The following TMEM132B variants were observed in gnomAD, a reference collection of about 807,000 sequenced individuals.
The protein encoded by TMEM132B is transmembrane protein 132B.
TMEM132B carries 18 observed loss-of-function variants against 90.8 expected under a neutral mutation model. The observed-to-expected ratio is 0.20, with a 90% CI of 0.14 to 0.29. The LOEUF (loss-of-function observed/expected upper bound fraction) is 0.29, where lower values mean the gene tolerates loss of function less well. TMEM132B is among the 10% of genes least tolerant of loss of function. The pLI, the probability that TMEM132B is intolerant of heterozygous loss-of-function variation, is 1.00. For synonymous variants in TMEM132B, 504 were observed against 523.3 expected, an observed-to-expected ratio of 0.96 and a Z score of 0.50; for missense variants, 1,096 against 1,326.8, an observed-to-expected ratio of 0.83 and a Z score of 2.70.
In TMEM132B at chr12:125,272,537, C is replaced by T. The variant is rs573787444; in HGVS notation, c.68-76915C>T. ...ATAGCATCCATTCCTCAGGAGATGT[C>T]CTGCACTGCTCGAGCTCCTGAGAGC... On this transcript the variant is annotated intron_variant, in intron 1 of 8. Transcript: ENST00000682704. 1.1e-4 allele frequency among the ~76,000 whole-genome samples: 17 copies of T among 152,194 alleles called. No individual in the cohort carries two copies. In the East Asian group the frequency reaches 3.3e-3, roughly 29 times the overall value.
intron 1 of TMEM132B, among the ~76,000 whole-genome samples, chr12:125,266,018 C>T (rs1477334810): frequency 6.6e-6 from 1 of 152,052 alleles, no homozygotes; most frequent in Non-Finnish European, 1.5e-5. Context: ...CACCTGAGGT[C>T]AGGAGTTCAA....
At chr12:125,321,571 AG>A (rs1876426433) in intron 1 of TMEM132B, among the ~76,000 whole-genome samples, 1 of 150,408 alleles carries the variant, frequency 6.6e-6, no homozygotes, top group South Asian at 2.1e-4. Context: ...TCCACCTCCC[AG>A]GTTCAAGCGA....
intron 1 of TMEM132B, among the ~76,000 whole-genome samples, chr12:125,320,218 C>T (rs964424997): frequency 3.9e-5 from 6 of 152,220 alleles, no homozygotes; most frequent in African/African-American, 1.2e-4. Flanking sequence ...GGGAGGAGGT[C>T]TGATCCAGCA....
chr12:125,411,887 A>C (rs146639645), intron 2 of TMEM132B, among the ~76,000 whole-genome samples: 13 of 152,286 alleles, frequency 8.5e-5, no homozygotes, highest in Middle Eastern at 3.4e-3. Flanking sequence ...CTGGTTGACA[A>C]AATATTTCAA....
chr12:125,324,902 A>T (rs1876519311), intron 1 of TMEM132B, among the ~76,000 whole-genome samples: 1 of 152,108 alleles, frequency 6.6e-6, no homozygotes, highest in African/African-American at 2.4e-5. Flanking sequence ...GGACGTGGCA[A>T]TCTCTTATTT....
intron 3 of TMEM132B, among the ~76,000 whole-genome samples, chr12:125,508,019 A>G (rs1459137118): frequency 6.6e-6 from 1 of 152,224 alleles, no homozygotes; most frequent in East Asian, 1.9e-4. Flanking sequence ...TTTTTAAGGT[A>G]GAACCAGCAG....
chr12:125,365,915 T>G (rs1878119035), intron 2 of TMEM132B, among the ~76,000 whole-genome samples: 1 of 152,104 alleles, frequency 6.6e-6, no homozygotes, highest in African/African-American at 2.4e-5. Flanking sequence ...AATAAATTAT[T>G]GTTAACTATA....
chr12:125,207,579 A>G (rs114090514), intron 1 of TMEM132B, among the ~76,000 whole-genome samples: 4 of 152,196 alleles, frequency 2.6e-5, no homozygotes, highest in Admixed American at 2.0e-4. Flanking sequence ...ATTGCATTAA[A>G]CATACATAAC....
intron 3 of TMEM132B, among the ~76,000 whole-genome samples, chr12:125,487,133 T>G (rs1015889337): frequency 6.6e-6 from 1 of 152,222 alleles, no homozygotes; most frequent in Non-Finnish European, 1.5e-5. Context: ...AACCCATTAT[T>G]CGATAGCCTT....
intron 3 of TMEM132B, among the ~76,000 whole-genome samples, chr12:125,505,194 A>AAC (rs1882814700): frequency 3.4e-5 from 5 of 146,734 alleles, no homozygotes; most frequent in Non-Finnish European, 5.9e-5. Context: ...AAAAAAAAAA[A>AAC]ACAGTAAGTG....
At chr12:125,563,598 CAAA>C (rs77003788) in intron 4 of TMEM132B, among the ~76,000 whole-genome samples, 2 of 150,180 alleles carry the variant, frequency 1.3e-5, no homozygotes, top group South Asian at 2.1e-4. Context: ...AACAAACAAA[CAAA>C]AAAAAACCCC....
At chr12:125,309,454 A>T (rs1876071669) in intron 1 of TMEM132B, among the ~76,000 whole-genome samples, 1 of 152,160 alleles carries the variant, frequency 6.6e-6, no homozygotes, top group Non-Finnish European at 1.5e-5. Flanking sequence ...TTCTTTTTGT[A>T]TCTGATGTTC....
At chr12:125,505,700 GAA>G (rs34696111) in intron 3 of TMEM132B, among the ~76,000 whole-genome samples, 104 of 130,978 alleles carry the variant, frequency 7.9e-4, no homozygotes, top group African/African-American at 1.9e-3. Context: ...CCCCGTCTCA[GAA>G]AAAAAAAAAA....
At chr12:125,433,006 C>G (rs1035059038) in intron 3 of TMEM132B, among the ~76,000 whole-genome samples, 17 of 152,156 alleles carry the variant, frequency 1.1e-4, no homozygotes, top group Non-Finnish European at 2.5e-4. Flanking sequence ...GAGAAGGAGG[C>G]CTTTCCTTAA....
chr12:125,218,003 G>C (rs1873475813), intron 1 of TMEM132B, among the ~76,000 whole-genome samples: 1 of 152,144 alleles, frequency 6.6e-6, no homozygotes, highest in Non-Finnish European at 1.5e-5. Flanking sequence ...AAATGAGGCG[G>C]GCCAATTTTA....
chr12:125,220,564 G>A (rs910184667), intron 1 of TMEM132B, among the ~76,000 whole-genome samples: 5 of 152,232 alleles, frequency 3.3e-5, no homozygotes, highest in African/African-American at 7.2e-5. Context: ...TTCTCTGTCG[G>A]CATTTCCAAG....
chr12:125,634,602 G>T (rs750123849), intron 5 of TMEM132B, among the ~76,000 whole-genome samples: 7 of 152,198 alleles, frequency 4.6e-5, no homozygotes, highest in Non-Finnish European at 8.8e-5. Flanking sequence ...ATTGCCGCTG[G>T]TTTTTCGGGA....
At chr12:125,593,584 TG>T in intron 5 of TMEM132B, among the ~76,000 whole-genome samples, 1 of 152,180 alleles carries the variant, frequency 6.6e-6, no homozygotes, top group Admixed American at 6.6e-5. Flanking sequence ...ATATCAGGCC[TG>T]ATCCAATATG....
In TMEM132B at chr12:125,519,563, C is replaced by G; in HGVS notation, c.1231C>G (p.Leu411Val). 6.2e-7 allele frequency: 1 copy of G among 1,614,130 alleles called. No homozygotes were observed. ...EYPIEDSMSE[L>V]VVSEIFVSQT... ...CCCGATTGAGGACTCCATGAGTGAGCTGGTCGTCTCCGAGATCTTCGTCAG... is the reference window on the plus strand; with the variant it reads ...CCCGATTGAGGACTCCATGAGTGAGGTGGTCGTCTCCGAGATCTTCGTCAG... The change falls in exon 4 of 9, where the codon CTG becomes GTG. Residue 411 changes from leucine to valine, a missense_variant. Coordinates refer to ENST00000682704, the MANE Select transcript of TMEM132B (RefSeq NM_001366854.1).
Sources: allele counts gnomAD v4.1 joint callset (sites outside exome capture counted in the v4.1 genomes callset), GRCh38; gene constraint gnomAD v4.1.1; transcripts MANE v1.5; gene names NCBI Gene and HGNC (gene_info 2026-07-23, HGNC 2026-07-21).